RAPH1: variants seen among roughly 807,000 people sequenced by gnomAD.
RAPH1 encodes ras-associated and pleckstrin homology domains-containing protein 1.
RAPH1 carries 18 observed loss-of-function variants against 88.1 expected under a neutral mutation model. The observed-to-expected ratio is 0.20, with a 90% CI of 0.14 to 0.30. The LOEUF (loss-of-function observed/expected upper bound fraction) is 0.30, where lower values mean the gene tolerates loss of function less well. Among genes scored for constraint, RAPH1 ranks in the 10% least tolerant of loss-of-function variants. The pLI is 1.00. For missense variants in RAPH1, 1,448 were observed against 1,543.2 expected, an observed-to-expected ratio of 0.94 and a Z score of 1.03; for synonymous variants, 587 against 559.0, an observed-to-expected ratio of 1.05 and a Z score of -0.71.
In RAPH1 at chr2:203,434,265, T is replaced by C. The variant is rs901499673; in HGVS notation, c.*5172A>G. On this transcript the variant is annotated 3_prime_UTR_variant, in exon 14 of 14. Transcript: ENST00000319170. Reference sequence around the variant, plus strand: ...TGAAGTTCCTTGTCTTCTTCATGCTTTAAAAAAGTATACTTCTACATTGTA... The same window carrying C: ...TGAAGTTCCTTGTCTTCTTCATGCTCTAAAAAAGTATACTTCTACATTGTA... The C allele has an allele frequency of 1.1e-4, 17 of 152,566 alleles. No homozygotes were observed. Among genetic ancestry groups the C allele is most frequent in the African/African-American group, 3.9e-4 (16 of 41,428 alleles). 9.5% of individuals were successfully genotyped at this position (152,566 alleles called of 1,614,324 possible).
rs1168368022 is a variant in RAPH1, at chr2:203,460,160, G to A, written c.971-132C>T. 3 of 700,470 alleles carry A rather than the reference G, an allele frequency of 4.3e-6. No individual in the cohort carries two copies. The East Asian group carries it at 8.5e-5, about 20-fold the overall frequency. The allele number at this position is 700,470 out of a possible 1,614,324, so 43.4% of individuals were successfully genotyped here. A position where few individuals can be genotyped will look rare whatever the true frequency, so the allele number is the denominator to read the frequency against. On this transcript the variant is annotated intron_variant, in intron 6 of 13. Coordinates refer to ENST00000319170, the MANE Select transcript of RAPH1 (RefSeq NM_213589.3). Reference sequence around the variant, plus strand: ...ACATTTTAGCACCTAAAAATTATCTGGTATTCCCTAATTTTTCAAACAAAG... The same window carrying A: ...ACATTTTAGCACCTAAAAATTATCTAGTATTCCCTAATTTTTCAAACAAAG...
chr2:203,480,346 C>G (rs1235013138), intron 4 of RAPH1, among the ~76,000 whole-genome samples: 1 of 152,070 alleles, frequency 6.6e-6, no homozygotes, highest in African/African-American at 2.4e-5. Flanking sequence ...GTCAGGAGCT[C>G]GAGACCAGCC....
intron 4 of RAPH1, chr2:203,477,222 A>T (rs1559472831): frequency 8.7e-7 from 1 of 1,145,344 alleles, no homozygotes; most frequent in East Asian, 2.4e-5. Context: ...TCTCATTACC[A>T]TGCAGGAAGA....
chr2:203,465,941 T>A (rs1279208674), intron 4 of RAPH1, among the ~76,000 whole-genome samples: 2 of 151,978 alleles, frequency 1.3e-5, no homozygotes. Context: ...TGTAACCAAC[T>A]AACATACATT....
At chr2:203,479,133 G>A (rs1687606250) in intron 4 of RAPH1, among the ~76,000 whole-genome samples, 1 of 152,152 alleles carries the variant, frequency 6.6e-6, no homozygotes, top group Non-Finnish European at 1.5e-5. Context: ...GTGGTAAAAT[G>A]TTAAAAATTA....
chr2:203,483,674 A>C (rs575517078), intron 4 of RAPH1, among the ~76,000 whole-genome samples: 9 of 152,314 alleles, frequency 5.9e-5, no homozygotes, highest in Admixed American at 1.3e-4. Context: ...ATGGTGTGTG[A>C]ACCAGGACTG....
At position 203,436,057 on chromosome 2, in the gene RAPH1, T is replaced by G. The variant is rs562532968; in HGVS notation, c.*3380A>C. The G allele has an allele frequency of 3.3e-5, 5 of 152,326 alleles. No individual in the cohort carries two copies. In the East Asian group the frequency reaches 9.6e-4, roughly 29 times the overall value. The allele number at this position is 152,326 out of a possible 1,614,324, so 9.4% of individuals were successfully genotyped here. A position where few individuals can be genotyped will look rare whatever the true frequency, so the allele number is the denominator to read the frequency against. On this transcript the variant is annotated 3_prime_UTR_variant, in exon 14 of 14. Coordinates refer to ENST00000319170, the MANE Select transcript of RAPH1 (RefSeq NM_213589.3). ...AGAGTTGTCACTTGGTTGGAATTAT[T>G]ATGATCCCCCAATTTAAATTTTCTT...
intron 9 of RAPH1, 58 bp downstream of exon 9, chr2:203,455,379 A>G: frequency 3.2e-6 from 5 of 1,545,436 alleles, no homozygotes; most frequent in African/African-American, 1.4e-5. Flanking sequence ...CATACTCAAT[A>G]CAAATTAAAA....
rs774304253 is a variant in RAPH1, at chr2:203,439,508, T to C, written c.3682A>G (p.Thr1228Ala). Residue 1228 changes from threonine (T) to alanine (A), a missense_variant, in exon 14 of 14, where the codon ACG becomes GCG. By Grantham distance (58) the Thr-to-Ala change is moderately conservative. Transcript: ENST00000319170. ...YGGSHISGYA[T>A]LRRGPPPAPP... ...GCAGGAGGGGGTCCTCTCCGCAACG[T>C]TGCATAGCCTGATATATGACTGCCT... is the stretch of plus-strand genomic sequence containing the variant. 6.2e-7 allele frequency: 1 copy of C among 1,614,116 alleles called. No homozygotes were observed. The highest frequency in any genetic ancestry group is 8.5e-7 in the Non-Finnish European group (1 of 1,180,034).
chr2:203,447,822 A>AT, intron 12 of RAPH1, 137 bp downstream of exon 12: 1 of 792,034 alleles, frequency 1.3e-6, no homozygotes, highest in Non-Finnish European at 1.9e-6. Context: ...TTAAAAAGGC[A>AT]TCTATTGATT....
intron 1 of RAPH1, among the ~76,000 whole-genome samples, chr2:203,527,026 C>T (rs1430474297): frequency 1.3e-5 from 2 of 152,078 alleles, no homozygotes; most frequent in East Asian, 2.0e-4. Context: ...TCAGGTGATC[C>T]GCCCACCTTG....
intron 1 of RAPH1, among the ~76,000 whole-genome samples, chr2:203,513,532 CAAAAAAAAAAA>C (rs34083519): frequency 7.2e-5 from 3 of 41,946 alleles, no homozygotes; most frequent in Non-Finnish European, 1.4e-4. Context: ...GACTCTATTT[CAAAAAAAAAAA>C]AAAAAAAAAA....
rs1559494331 is a variant in RAPH1 at position 203,506,784 on chromosome 2, A to ATATATATC, written c.1-11432_1-11431insGATATATA. 2.8e-4 allele frequency among the ~76,000 whole-genome samples: 23 copies of ATATATATC among 82,392 alleles called. 1 individual carries two copies. The highest frequency in any genetic ancestry group is 1.2e-3 in the African/African-American group (22 of 18,270). The allele number at this position is 82,392 out of a possible 152,430, so 54.1% of individuals were successfully genotyped here. ...TATATATATATCTATATATATCTAG[A>ATATATATC]TATATATATCTATATATATATCTAT... On this transcript the variant is annotated intron_variant, in intron 1 of 13. Transcript: ENST00000319170.
At chr2:203,492,221 G>A (rs1348833890) in intron 2 of RAPH1, among the ~76,000 whole-genome samples, 1 of 134,308 alleles carries the variant, frequency 7.4e-6, no homozygotes. Context: ...GCGACAGAGC[G>A]AGACTCAATC....
chr2:203,439,694 G>A lies in RAPH1; in HGVS notation c.3496C>T (p.Leu1166=). 6.2e-7 allele frequency: 1 copy of A among 1,614,142 alleles called. No homozygotes were observed. The highest frequency in any genetic ancestry group is 8.5e-7 in the Non-Finnish European group (1 of 1,180,028). Residue 1166 remains leucine (L), a synonymous_variant, in exon 14 of 14, where the codon CTG becomes TTG. Transcript: ENST00000319170. ...KSSLSVQPGF[L]ADLNRTLQRK... Reference sequence around the variant, plus strand: ...TGCAGTGTCCTGTTGAGGTCAGCCAGGAATCCAGGCTGGACACTAAGGCTG... The same window carrying A: ...TGCAGTGTCCTGTTGAGGTCAGCCAAGAATCCAGGCTGGACACTAAGGCTG...
At chr2:203,457,172 T>G (rs1000033377) in intron 8 of RAPH1, among the ~76,000 whole-genome samples, 2 of 151,748 alleles carry the variant, frequency 1.3e-5, no homozygotes, top group Non-Finnish European at 2.9e-5. Context: ...ATTTAATATT[T>G]TATTTTATTT....
At chr2:203,470,751 G>A (rs180792544) in intron 4 of RAPH1, among the ~76,000 whole-genome samples, 16 of 152,264 alleles carry the variant, frequency 1.1e-4, no homozygotes, top group Admixed American at 2.0e-4. Flanking sequence ...AGAATAAGAC[G>A]ACATCATTTT....
chr2:203,454,474 G>C lies in RAPH1; in HGVS notation c.1369C>G (p.Arg457Gly), dbSNP rs779316590. The change falls in exon 10 of 14, where the codon CGG (arginine) becomes GGG (glycine). Residue 457 changes from arginine to glycine, a missense_variant. By Grantham distance (125) the Arg-to-Gly change is moderately radical (BLOSUM62 -2). This residue lies in a region of RAPH1 where 513 missense variants were observed against 653.1 expected (regional missense o/e 0.79). Coordinates refer to ENST00000319170, the MANE Select transcript of RAPH1 (RefSeq NM_213589.3). ...TCTGTAGGTGCTTTGTATTTGTTCC[G>C]ATAGTCCTGGCCATAATAAACGTTG... ...HVNVYYGQDY[R>G]NKYKAPTDYC... 1 of 1,613,450 alleles carries C rather than the reference G, an allele frequency of 6.2e-7. No homozygotes were observed. The highest frequency in any genetic ancestry group is 2.2e-5 in the East Asian group (1 of 44,850).
At chr2:203,486,208 T>C (rs1206288627) in intron 4 of RAPH1, among the ~76,000 whole-genome samples, 1 of 152,128 alleles carries the variant, frequency 6.6e-6, no homozygotes, top group Admixed American at 6.5e-5. Context: ...AAGTCTGAAG[T>C]TGAAACAGTG....
Sources: allele counts gnomAD v4.1 joint callset (sites outside exome capture counted in the v4.1 genomes callset), GRCh38; gene constraint gnomAD v4.1.1; regional missense constraint gnomAD v4.1.1; transcripts MANE v1.5; gene names NCBI Gene and HGNC (gene_info 2026-07-23, HGNC 2026-07-21).